The following GALNT17 variants were observed in gnomAD, a reference collection of about 807,000 sequenced individuals.
GALNT17 encodes UDP-GalNAc:polypeptide N-acetylgalactosaminyltransferase-like 3.
A neutral mutation model predicts 63.7 loss-of-function variants in GALNT17; 29 were observed. The ratio of observed to expected loss-of-function variants is 0.46; its 90% confidence interval spans 0.34 to 0.62. The LOEUF (loss-of-function observed/expected upper bound fraction) is 0.62. Among genes scored for constraint, GALNT17 ranks in the 20% least tolerant of loss-of-function variants. GALNT17 has a pLI of 0.01. For missense variants in GALNT17, 603 were observed against 799.6 expected (o/e 0.75, Z 2.97); for synonymous variants, 305 against 318.3 (o/e 0.96, Z 0.45).
intron 1 of GALNT17, among the ~76,000 whole-genome samples, chr7:71,318,758 A>G (rs1791547882): frequency 6.6e-6 from 1 of 152,166 alleles, no homozygotes; most frequent in Non-Finnish European, 1.5e-5. Flanking sequence ...GGAAACTGGC[A>G]TTTCAACCTT....
intron 4 of GALNT17, 95 bp from the exon 5 acceptor site, chr7:71,420,813 C>A: frequency 6.8e-7 from 1 of 1,462,504 alleles, no homozygotes; most frequent in Non-Finnish European, 9.5e-7. Flanking sequence ...AAAGCCCAGC[C>A]TTAAGTAGCT....
chr7:71,276,631 T>G (rs547591048), intron 1 of GALNT17, among the ~76,000 whole-genome samples: 1 of 152,302 alleles, frequency 6.6e-6, no homozygotes, highest in East Asian at 1.9e-4. Flanking sequence ...GCTTCTCCTT[T>G]GCCTTCTTCC....
At chr7:71,347,206 A>G (rs958586700) in intron 2 of GALNT17, among the ~76,000 whole-genome samples, 2 of 152,168 alleles carry the variant, frequency 1.3e-5, no homozygotes, top group Non-Finnish European at 2.9e-5. Flanking sequence ...TGGGCCACCT[A>G]AAAACCTTCA....
At chr7:71,449,602 A>G (rs1172680860) in intron 5 of GALNT17, among the ~76,000 whole-genome samples, 2 of 152,176 alleles carry the variant, frequency 1.3e-5, no homozygotes, top group African/African-American at 4.8e-5. Context: ...GCTGTTTTAA[A>G]TAGACATCAG....
At chr7:71,425,301 C>T (rs1461351872) in intron 5 of GALNT17, among the ~76,000 whole-genome samples, 1 of 152,052 alleles carries the variant, frequency 6.6e-6, no homozygotes, top group Non-Finnish European at 1.5e-5. Context: ...CGGCTCGCTG[C>T]AACCTCTGCC....
chr7:71,429,337 TG>T (rs1786818490), intron 5 of GALNT17, among the ~76,000 whole-genome samples: 1 of 152,160 alleles, frequency 6.6e-6, no homozygotes, highest in African/African-American at 2.4e-5. Context: ...GGAAAGGTCA[TG>T]CTGTCTGACT....
At chr7:71,242,992 T>C (rs568627853) in intron 1 of GALNT17, among the ~76,000 whole-genome samples, 28 of 152,230 alleles carry the variant, frequency 1.8e-4, no homozygotes, top group Non-Finnish European at 4.0e-4. Flanking sequence ...TCCACTGATA[T>C]GATTTGGCTC....
chr7:71,494,017 C>T (rs1323239911), intron 5 of GALNT17, among the ~76,000 whole-genome samples: 1 of 151,884 alleles, frequency 6.6e-6, no homozygotes, highest in Non-Finnish European at 1.5e-5. Context: ...TCACACTACT[C>T]TAAAGAAATA....
intron 9 of GALNT17, among the ~76,000 whole-genome samples, chr7:71,706,181 A>G (rs1411645862): frequency 6.6e-6 from 1 of 152,196 alleles, no homozygotes; most frequent in Non-Finnish European, 1.5e-5. Flanking sequence ...AGCAGAACCT[A>G]TGCACATGAC....
At chr7:71,660,268 G>A (rs993365379) in intron 6 of GALNT17, among the ~76,000 whole-genome samples, 20 of 152,152 alleles carry the variant, frequency 1.3e-4, no homozygotes, top group Non-Finnish European at 2.9e-5. Flanking sequence ...AGAACCCTGC[G>A]GTGGGTTCTT....
chr7:71,489,583 C>G lies in GALNT17; in HGVS notation c.962+68478C>G, dbSNP rs375210845. On this transcript the variant is annotated intron_variant, in intron 5 of 10. Coordinates refer to ENST00000333538, the MANE Select transcript of GALNT17 (RefSeq NM_022479.3). The stretch of plus-strand genomic sequence containing the variant: ...GATGTGAGACTGTTGTGCTGAACCC[C>G]TATTAACCTCAGAAGGGAGAGCCCC... 2.8e-4 allele frequency among the ~76,000 whole-genome samples: 42 copies of G among 152,326 alleles called. No individual in the cohort carries two copies. In the East Asian group the frequency reaches 7.5e-3, roughly 27 times the overall value.
intron 6 of GALNT17, among the ~76,000 whole-genome samples, chr7:71,632,843 C>G (rs61502152): frequency 0.023 from 3,564 of 152,098 alleles, 149 homozygotes; most frequent in African/African-American, 0.081. Flanking sequence ...GTGGTTCATG[C>G]CTGTAATCCC....
At chr7:71,701,685 G>A (rs1791634014) in intron 9 of GALNT17, among the ~76,000 whole-genome samples, 1 of 150,174 alleles carries the variant, frequency 6.7e-6, no homozygotes. Flanking sequence ...TAACCTAAGT[G>A]CGCATCAAGA....
chr7:71,358,401 T>A (rs887785867), intron 2 of GALNT17, among the ~76,000 whole-genome samples: 2 of 152,054 alleles, frequency 1.3e-5, no homozygotes, highest in Non-Finnish European at 2.9e-5. Flanking sequence ...TCTCAAAAAA[T>A]AAATAAATAA....
chr7:71,544,040 GCC>G (rs1373805037), intron 5 of GALNT17, among the ~76,000 whole-genome samples: 4 of 151,292 alleles, frequency 2.6e-5, no homozygotes, highest in African/African-American at 9.7e-5. Context: ...TGTTCCACCC[GCC>G]TCAGCCCCCC....
intron 5 of GALNT17, among the ~76,000 whole-genome samples, chr7:71,422,352 A>G (rs1438441411): frequency 6.6e-6 from 1 of 152,112 alleles, no homozygotes; most frequent in Non-Finnish European, 1.5e-5. Context: ...ACATTCTGGG[A>G]CCATACAAGA....
At chr7:71,611,016 C>T (rs1325198444) in intron 6 of GALNT17, among the ~76,000 whole-genome samples, 1 of 151,644 alleles carries the variant, frequency 6.6e-6, no homozygotes, top group East Asian at 1.9e-4. Context: ...GTCCACTGGC[C>T]ACATAACCTC....
At chr7:71,622,668 C>T (rs1399351020) in intron 6 of GALNT17, among the ~76,000 whole-genome samples, 1 of 152,186 alleles carries the variant, frequency 6.6e-6, no homozygotes, top group East Asian at 1.9e-4. Flanking sequence ...ATCTCTGTCA[C>T]TCCTGTTTGT....
intron 5 of GALNT17, among the ~76,000 whole-genome samples, chr7:71,550,984 AAT>A (rs1789067694): frequency 6.6e-6 from 1 of 151,952 alleles, no homozygotes; most frequent in South Asian, 2.1e-4. Flanking sequence ...TTGAGCTTTG[AAT>A]ATATGTGTTC....
Sources: allele counts gnomAD v4.1 joint callset (sites outside exome capture counted in the v4.1 genomes callset), GRCh38; gene constraint gnomAD v4.1.1; transcripts MANE v1.5; gene names NCBI Gene and HGNC (gene_info 2026-07-23, HGNC 2026-07-21).